Variants in RUNX2 observed in about 807,000 individuals in gnomAD.
RUNX2 encodes RUNX family transcription factor 2.
A neutral mutation model predicts 51.7 loss-of-function variants in RUNX2; 10 were observed. The ratio of observed to expected loss-of-function variants is 0.19; its 90% confidence interval spans 0.12 to 0.33. The LOEUF (loss-of-function observed/expected upper bound fraction) is 0.33. Among genes scored for constraint, RUNX2 ranks in the 10% least tolerant of loss-of-function variants. The probability of loss-of-function intolerance (pLI) is 1.00; values close to 1 mark genes in which losing one functional copy is unlikely to be tolerated. For missense variants in RUNX2, 562 were observed against 691.3 expected (o/e 0.81, Z 2.10); for synonymous variants, 276 against 273.6 (o/e 1.01, Z -0.09).
intron 7 of RUNX2, among the ~76,000 whole-genome samples, chr6:45,541,408 A>G (rs1802223818): frequency 6.6e-6 from 1 of 152,160 alleles, no homozygotes; most frequent in Admixed American, 6.5e-5. Flanking sequence ...GGCAGCCAAA[A>G]CGTTTAAAAG....
At chr6:45,532,162 ATTTTTTTTTTTTTT>A (rs3055521) in intron 7 of RUNX2, among the ~76,000 whole-genome samples, 1 of 85,120 alleles carries the variant, frequency 1.2e-5, no homozygotes, top group South Asian at 4.3e-4. Flanking sequence ...GAAAACCTAG[ATTTTTTTTTTTTTT>A]TTTTTTTTTT....
At chr6:45,353,919 A>C (rs1265785480) in intron 2 of RUNX2, among the ~76,000 whole-genome samples, 2 of 152,148 alleles carry the variant, frequency 1.3e-5, no homozygotes, top group African/African-American at 4.8e-5. Context: ...ATAGGAAAAA[A>C]AAATACAGTA....
intron 2 of RUNX2, among the ~76,000 whole-genome samples, chr6:45,393,307 G>A (rs1291332642): frequency 6.6e-6 from 1 of 152,194 alleles, no homozygotes; most frequent in African/African-American, 2.4e-5. Flanking sequence ...GAGGTAGATA[G>A]GCCCTCACTG....
At chr6:45,498,938 A>G (rs1800724171) in intron 6 of RUNX2, among the ~76,000 whole-genome samples, 1 of 152,128 alleles carries the variant, frequency 6.6e-6, no homozygotes, top group Non-Finnish European at 1.5e-5. Context: ...ACAAGTTGGG[A>G]GATGAAGTGG....
chr6:45,428,016 G>T (rs1260969751), intron 3 of RUNX2, among the ~76,000 whole-genome samples: 1 of 152,092 alleles, frequency 6.6e-6, no homozygotes, highest in Non-Finnish European at 1.5e-5. Flanking sequence ...TTTTCTCATG[G>T]AGTTTCTTGA....
rs145399330 is a variant in RUNX2, at chr6:45,487,052, T to A, written c.686-4889T>A. 9.9e-4 allele frequency among the ~76,000 whole-genome samples: 151 copies of A among 152,350 alleles called. 1 individual carries two copies. The East Asian group carries it at 0.026, about 27-fold the overall frequency. On this transcript the variant is annotated intron_variant, in intron 5 of 8. Transcript: ENST00000647337. ...TTGCTCTAAGGATGTGTGAATGCTG[T>A]GACCTTTTGATTATGCTTTCTTCTT...
intron 2 of RUNX2, among the ~76,000 whole-genome samples, chr6:45,408,479 T>C (rs1043236877): frequency 2.0e-5 from 3 of 152,084 alleles, no homozygotes; most frequent in Admixed American, 6.6e-5. Context: ...GAAAACTACC[T>C]TGATGCAATG....
chr6:45,465,123 G>T (rs1799589902), intron 5 of RUNX2, among the ~76,000 whole-genome samples: 1 of 152,168 alleles, frequency 6.6e-6, no homozygotes. Context: ...GTGGCTCAGG[G>T]AGAGCAGTAT....
chr6:45,402,358 T>G (rs1394935431), intron 2 of RUNX2, among the ~76,000 whole-genome samples: 1 of 152,158 alleles, frequency 6.6e-6, no homozygotes, highest in African/African-American at 2.4e-5. Flanking sequence ...CAGGATGTCT[T>G]CCAAAGCAAG....
At chr6:45,507,572 G>T (rs779024461) in intron 6 of RUNX2, among the ~76,000 whole-genome samples, 1 of 152,194 alleles carries the variant, frequency 6.6e-6, no homozygotes, top group East Asian at 1.9e-4. Flanking sequence ...TGGTGATTGC[G>T]CATTTAGGAA....
At chr6:45,337,114 T>C (rs1005037206) in intron 2 of RUNX2, among the ~76,000 whole-genome samples, 2 of 151,724 alleles carry the variant, frequency 1.3e-5, no homozygotes, top group Non-Finnish European at 3.0e-5. Context: ...ATATGCTTTC[T>C]AAAATAAAAG....
intron 5 of RUNX2, among the ~76,000 whole-genome samples, chr6:45,470,847 G>A (rs1163269491): frequency 1.3e-5 from 2 of 152,120 alleles, no homozygotes; most frequent in Non-Finnish European, 2.9e-5. Context: ...AGACTCTGGC[G>A]AGTCCTGTGG....
chr6:45,462,933 G>A (rs543858962), intron 5 of RUNX2, among the ~76,000 whole-genome samples: 1 of 152,192 alleles, frequency 6.6e-6, no homozygotes, highest in Non-Finnish European at 1.5e-5. Context: ...CAAGTTGCTT[G>A]TCTAACCCCA....
intron 2 of RUNX2, among the ~76,000 whole-genome samples, chr6:45,338,806 A>C (rs1009079393): frequency 1.3e-5 from 2 of 152,088 alleles, no homozygotes; most frequent in East Asian, 3.9e-4. Flanking sequence ...TGGATGAGAC[A>C]AGGGAGGCAT....
At chr6:45,337,771 ATGTTTATTTT>A (rs1456299528) in intron 2 of RUNX2, among the ~76,000 whole-genome samples, 1 of 151,922 alleles carries the variant, frequency 6.6e-6, no homozygotes, top group Non-Finnish European at 1.5e-5. Context: ...GTTGGTTGTT[ATGTTTATTTT>A]TGTTTATTTG....
intron 7 of RUNX2, among the ~76,000 whole-genome samples, chr6:45,541,144 A>G (rs1484229622): frequency 6.6e-6 from 1 of 152,000 alleles, no homozygotes; most frequent in Middle Eastern, 3.2e-3. Context: ...GTATTCATTT[A>G]TCCATCCAAC....
Position 45,512,390 on chromosome 6 carries a change from T to C in RUNX2, c.1004T>C (p.Val335Ala), listed in dbSNP as rs1426595686. Residue 335 changes from valine to alanine, a missense_variant, in exon 7 of 9, where the codon GTG (valine) becomes GCG (alanine). Physicochemically the swap from Val to Ala is moderately conservative, Grantham distance 64. Transcript: ENST00000647337. ...ACTGGGCTTCCTGCCATCACCGATG[T>C]GCCTAGGCGCATTTCAGGTAAAGAC... Reference protein sequence around the residue: ...RGTGLPAITDVPRRISDDDTA... With the variant: ...RGTGLPAITDAPRRISDDDTA... 4 of 1,613,950 alleles carry C rather than the reference T, an allele frequency of 2.5e-6. No homozygotes were observed. In the African/African-American group the frequency reaches 5.3e-5, roughly 22 times the overall value.
At chr6:45,376,492 T>C (rs1563053957) in intron 2 of RUNX2, among the ~76,000 whole-genome samples, 2 of 152,234 alleles carry the variant, frequency 1.3e-5, no homozygotes, top group Non-Finnish European at 2.9e-5. Context: ...ACATTTCAAG[T>C]GCTGAAGAGC....
chr6:45,422,566 T>C, intron 2 of RUNX2, 27 bp from the exon 3 acceptor site: 1 of 1,385,834 alleles, frequency 7.2e-7, no homozygotes, highest in Non-Finnish European at 9.6e-7. Context: ...CGCTAACTTG[T>C]GGCTGTTGTG....
Sources: allele counts gnomAD v4.1 joint callset (sites outside exome capture counted in the v4.1 genomes callset), GRCh38; gene constraint gnomAD v4.1.1; transcripts MANE v1.5; gene names NCBI Gene and HGNC (gene_info 2026-07-23, HGNC 2026-07-21).